Variants in MCF2L2 observed in about 807,000 individuals in gnomAD.
MCF2L2 encodes the protein MCF.2 cell line derived transforming sequence-like 2.
A neutral mutation model predicts 150.2 loss-of-function variants in MCF2L2; 102 were observed. That is an observed-to-expected ratio of 0.68 (90% CI 0.58 to 0.80). The LOEUF (loss-of-function observed/expected upper bound fraction) is 0.80, where lower values mean the gene tolerates loss of function less well. Ranked by LOEUF, MCF2L2 falls within the 30% of genes least tolerant of loss-of-function variation. The pLI is 0.00. For synonymous variants in MCF2L2, 465 were observed against 491.3 expected (o/e 0.95, Z 0.71); for missense variants, 1,256 against 1,372.8 (o/e 0.91, Z 1.34).
At chr3:183,249,228 T>C (rs1724398503) in intron 15 of MCF2L2, among the ~76,000 whole-genome samples, 1 of 152,194 alleles carries the variant, frequency 6.6e-6, no homozygotes, top group South Asian at 2.1e-4. Context: ...CAGAACCCTG[T>C]ATGCTTCCGG....
rs561422947 is a variant in MCF2L2 at position 183,361,011 on chromosome 3, A to G, written c.275+18286T>C. On this transcript the variant is annotated intron_variant, in intron 3 of 29. Coordinates refer to ENST00000328913, the MANE Select transcript of MCF2L2 (RefSeq NM_015078.4). ...AAGAAAAGAAAAGAAAAGAAAAGAA[A>G]AGAAAAGAAAAGAGAAAAGAAAAGG... Among the ~76,000 whole-genome samples the G allele has an allele frequency of 1.6e-3, 197 of 125,230 alleles. 11 individuals are homozygous for G. The highest frequency in any genetic ancestry group is 0.014 in the East Asian group (60 of 4,272). The allele number at this position is 125,230 out of a possible 152,430, so 82.2% of individuals were successfully genotyped here. A position where few individuals can be genotyped will look rare whatever the true frequency, so the allele number is the denominator to read the frequency against.
intron 8 of MCF2L2, among the ~76,000 whole-genome samples, chr3:183,311,306 C>A (rs1729367096): frequency 6.6e-6 from 1 of 151,730 alleles, no homozygotes; most frequent in South Asian, 2.1e-4. Context: ...TACCTTCATG[C>A]CTTCTTTCTT....
At chr3:183,212,866 G>A (rs1722781120) in intron 22 of MCF2L2, among the ~76,000 whole-genome samples, 1 of 149,744 alleles carries the variant, frequency 6.7e-6, no homozygotes, top group Non-Finnish European at 1.5e-5. Context: ...GGCATCTGTT[G>A]GGCGCCAGGC....
intron 20 of MCF2L2, among the ~76,000 whole-genome samples, chr3:183,220,595 G>A (rs925346846): frequency 6.6e-6 from 1 of 152,048 alleles, no homozygotes; most frequent in Non-Finnish European, 1.5e-5. Flanking sequence ...GAGTTTTGAG[G>A]CATATTTCCA....
rs1338871264 is a variant in MCF2L2, at chr3:183,258,008, C to T, written c.1862+18864G>A. 3.6e-5 allele frequency among the ~76,000 whole-genome samples: 4 copies of T among 110,864 alleles called. No homozygotes were observed. In the South Asian group the frequency reaches 9.3e-4, roughly 26 times the overall value. 72.7% of individuals were successfully genotyped at this position (110,864 alleles called of 152,430 possible). The stretch of plus-strand genomic sequence containing the variant: ...TTTGAGACGGAGTCTCGCTCTGTTG[C>T]CCAGGCTGGAGTGCAATGGTGCCAT... On this transcript the variant is annotated intron_variant, in intron 15 of 29. Coordinates refer to ENST00000328913, the MANE Select transcript of MCF2L2 (RefSeq NM_015078.4).
intron 1 of MCF2L2, among the ~76,000 whole-genome samples, chr3:183,413,769 C>G (rs1460924878): frequency 2.0e-5 from 3 of 152,162 alleles, no homozygotes; most frequent in Non-Finnish European, 4.4e-5. Flanking sequence ...GGTCTGTTGG[C>G]CTCATTCCTT....
chr3:183,364,233 G>C (rs1421091019), intron 3 of MCF2L2, among the ~76,000 whole-genome samples: 1 of 152,096 alleles, frequency 6.6e-6, no homozygotes, highest in Non-Finnish European at 1.5e-5. Flanking sequence ...GATAAAGGCA[G>C]AGGCCAGGAG....
At position 183,181,696 on chromosome 3, in the gene MCF2L2, C is replaced by G. The variant is rs1246011797; in HGVS notation, c.3017-1537G>C. The stretch of plus-strand genomic sequence containing the variant: ...CAGAGGGAGCCATGCCCTTGACCAT[C>G]CCCTGCATGAATAGGAAGGGCTGTG... On this transcript the variant is annotated intron_variant, in intron 27 of 29. Transcript: ENST00000328913. The surrounding 1 kb of genome is among the most constrained non-coding windows in gnomAD (Gnocchi z 4.3). Among the ~76,000 whole-genome samples, 1 of 152,080 alleles carries G rather than the reference C, an allele frequency of 6.6e-6. No individual in the cohort carries two copies. Among genetic ancestry groups the G allele is most frequent in the East Asian group, 1.9e-4 (1 of 5,180 alleles).
rs1721425399 is a variant in MCF2L2 at position 183,179,300 on chromosome 3, G to A, written c.*80C>T. On this transcript the variant is annotated 3_prime_UTR_variant, in exon 30 of 30. Transcript: ENST00000328913. The surrounding 1 kb of genome is among the most constrained non-coding windows in gnomAD (Gnocchi z 4.2). ...CTCCGGCTGCTTTCTGCGTAGCTGGGCAGGGCCCGGGCCCCCACACCGCCT... is the reference window on the plus strand; with the variant it reads ...CTCCGGCTGCTTTCTGCGTAGCTGGACAGGGCCCGGGCCCCCACACCGCCT... The A allele has an allele frequency of 1.5e-6, 2 of 1,368,488 alleles. No individual in the cohort carries two copies. The highest frequency in any genetic ancestry group is 6.0e-5 in the East Asian group (2 of 33,262). The allele number at this position is 1,368,488 out of a possible 1,614,324, so 84.8% of individuals were successfully genotyped here. A position where few individuals can be genotyped will look rare whatever the true frequency, so the allele number is the denominator to read the frequency against.
intron 14 of MCF2L2, among the ~76,000 whole-genome samples, chr3:183,281,012 C>A (rs544846558): frequency 6.6e-6 from 1 of 152,018 alleles, no homozygotes; most frequent in East Asian, 1.9e-4. Context: ...GGGCCCGTGC[C>A]ACCTTCTTTG....
intron 15 of MCF2L2, among the ~76,000 whole-genome samples, chr3:183,269,278 C>T (rs1314224101): frequency 2.3e-5 from 3 of 128,830 alleles, no homozygotes; most frequent in East Asian, 2.6e-4. Flanking sequence ...GGTCTCTGTA[C>T]TCTGAATGGG....
At chr3:183,308,747 A>C (rs573517327) in intron 10 of MCF2L2, among the ~76,000 whole-genome samples, 1 of 152,298 alleles carries the variant, frequency 6.6e-6, no homozygotes, top group Admixed American at 6.5e-5. Flanking sequence ...GATCTTCTTA[A>C]AATGCAGATT....
intron 15 of MCF2L2, among the ~76,000 whole-genome samples, chr3:183,235,223 T>C (rs1484418180): frequency 2.6e-5 from 2 of 77,348 alleles, no homozygotes; most frequent in Admixed American, 1.4e-4. Flanking sequence ...AGTAATGGGA[T>C]GGCTGGGTCA....
intron 7 of MCF2L2, among the ~76,000 whole-genome samples, chr3:183,315,912 T>C (rs1213582825): frequency 6.6e-6 from 1 of 152,220 alleles, no homozygotes; most frequent in Non-Finnish European, 1.5e-5. Flanking sequence ...ACTGACCACA[T>C]TGTCATCCCG....
chr3:183,393,135 G>A (rs1197736239), intron 1 of MCF2L2, among the ~76,000 whole-genome samples: 2 of 152,000 alleles, frequency 1.3e-5, no homozygotes, highest in Non-Finnish European at 2.9e-5. Flanking sequence ...GAGGTCTGTG[G>A]AGGCTTCCTG....
intron 6 of MCF2L2, among the ~76,000 whole-genome samples, chr3:183,319,631 T>C (rs915550429): frequency 7.2e-5 from 11 of 152,234 alleles, no homozygotes; most frequent in African/African-American, 2.4e-4. Flanking sequence ...AGCTGCAGCA[T>C]AGATGTTGTG....
rs536396398 is a variant in MCF2L2 at position 183,364,316 on chromosome 3, A to T, written c.275+14981T>A. Among the ~76,000 whole-genome samples the T allele has an allele frequency of 3.3e-5, 5 of 152,188 alleles. No individual in the cohort carries two copies. The South Asian group carries it at 8.3e-4, about 25-fold the overall frequency. On this transcript the variant is annotated intron_variant, in intron 3 of 29. Coordinates refer to ENST00000328913, the MANE Select transcript of MCF2L2 (RefSeq NM_015078.4). Reference sequence around the variant, plus strand: ...CGGATCACAAGGTCAGGAGATCGAGACCATCCTGGCTAACACGGTGAAACC... The same window carrying T: ...CGGATCACAAGGTCAGGAGATCGAGTCCATCCTGGCTAACACGGTGAAACC...
Position 183,338,877 on chromosome 3 carries a change from G to A in MCF2L2, c.409C>T (p.Pro137Ser). 1 of 1,607,212 alleles carries A rather than the reference G, an allele frequency of 6.2e-7. No individual in the cohort carries two copies. The highest frequency in any genetic ancestry group is 8.5e-7 in the Non-Finnish European group (1 of 1,175,010). The change falls in exon 5 of 30, where the codon CCA becomes TCA. Residue 137 changes from proline to serine, a missense_variant. Transcript: ENST00000328913. ...GNLQLIFILR[P>S]SRFIQRTFTD... ...AATGTCCTCTGGATAAAGCGAGATG[G>A]ACGAAGGATGAATATGAGCTGTAAG...
chr3:183,383,972 T>C (rs1004593913), intron 2 of MCF2L2, among the ~76,000 whole-genome samples: 3 of 152,320 alleles, frequency 2.0e-5, no homozygotes, highest in Admixed American at 6.5e-5. Flanking sequence ...GCTCCTTCCA[T>C]GTTCTCTTAG....
Sources: allele counts gnomAD v4.1 joint callset (sites outside exome capture counted in the v4.1 genomes callset), GRCh38; gene constraint gnomAD v4.1.1; non-coding constraint Gnocchi (gnomAD v3.1); transcripts MANE v1.5; gene names NCBI Gene and HGNC (gene_info 2026-07-23, HGNC 2026-07-21).